The following EEFSEC variants were observed in gnomAD, a reference collection of about 807,000 sequenced individuals.
EEFSEC encodes eukaryotic elongation factor, selenocysteine-tRNA specific, also known as selenocysteine-specific elongation factor.
A neutral mutation model predicts 42.1 loss-of-function variants in EEFSEC; 43 were observed. The ratio of observed to expected loss-of-function variants is 1.02; its 90% CI spans 0.80 to 1.32. The LOEUF is 1.32. Among genes scored for constraint, EEFSEC ranks in the 40% most tolerant of loss-of-function variants. The pLI is 0.00. For synonymous variants in EEFSEC, 354 were observed against 339.1 expected (o/e 1.04, Z -0.48); for missense variants, 745 against 803.6 (o/e 0.93, Z 0.88).
intron 5 of EEFSEC, among the ~76,000 whole-genome samples, chr3:128,345,231 T>C (rs962938232): frequency 2.0e-5 from 3 of 152,184 alleles, no homozygotes; most frequent in Admixed American, 6.5e-5. Flanking sequence ...ACTGCATCGT[T>C]ATTGTTTTAT....
intron 4 of EEFSEC, among the ~76,000 whole-genome samples, chr3:128,329,014 C>T (rs1020478048): frequency 6.6e-6 from 1 of 152,158 alleles, no homozygotes; most frequent in Non-Finnish European, 1.5e-5. Flanking sequence ...CAGTGTGATC[C>T]TTGGCACCCC....
At chr3:128,207,604 C>CACAT (rs60361142) in intron 1 of EEFSEC, among the ~76,000 whole-genome samples, 59 of 150,132 alleles carry the variant, frequency 3.9e-4, no homozygotes, top group African/African-American at 1.4e-3. Flanking sequence ...CACACACACA[C>CACAT]GCTTAACAAG....
In EEFSEC at chr3:128,236,046, C is replaced by A. The variant is rs186495275; in HGVS notation, c.317-10790C>A. Among the ~76,000 whole-genome samples the A allele has an allele frequency of 5.9e-5, 9 of 152,320 alleles. No individual in the cohort carries two copies. In the East Asian group the frequency reaches 1.5e-3, roughly 26 times the overall value. On this transcript the variant is annotated intron_variant, in intron 1 of 6. Transcript: ENST00000254730. The stretch of plus-strand genomic sequence containing the variant: ...GTGGCGCAATCTCGCCTTACTGCAA[C>A]CTCCGCCTCCCGGGTTCAAGTGTTT...
At chr3:128,315,375 A>G (rs1415065179) in intron 4 of EEFSEC, among the ~76,000 whole-genome samples, 1 of 152,334 alleles carries the variant, frequency 6.6e-6, no homozygotes, top group Admixed American at 6.5e-5. Flanking sequence ...CTTTGAATTG[A>G]TGACCACAGT....
chr3:128,312,655 G>A (rs2066902277), intron 4 of EEFSEC, among the ~76,000 whole-genome samples: 1 of 152,242 alleles, frequency 6.6e-6, no homozygotes, highest in African/African-American at 2.4e-5. Flanking sequence ...GGCAGGCCCT[G>A]TGTCCTGACC....
At chr3:128,420,437 T>G in the EEFSEC span, among the ~76,000 whole-genome samples, 65 of 152,300 alleles carry the variant, frequency 4.3e-4, no homozygotes, top group African/African-American at 1.5e-3. Context: ...GCCCACAGCC[T>G]CCCAGGAGAG....
intron 4 of EEFSEC, among the ~76,000 whole-genome samples, chr3:128,275,767 G>A (rs2066461644): frequency 6.6e-6 from 1 of 152,194 alleles, no homozygotes. Context: ...TGGCATGACT[G>A]AGGTAAACAT....
chr3:128,154,008 G>A (rs1342719904), intron 1 of EEFSEC, 185 bp downstream of exon 1: 2 of 721,790 alleles, frequency 2.8e-6, no homozygotes, highest in Non-Finnish European at 4.0e-6. Flanking sequence ...CGGAGGCTTT[G>A]AGATTCAGCT....
At chr3:128,342,639 G>A (rs1168090222) in intron 5 of EEFSEC, among the ~76,000 whole-genome samples, 1 of 152,162 alleles carries the variant, frequency 6.6e-6, no homozygotes, top group Non-Finnish European at 1.5e-5. Context: ...TGCCTTGCTG[G>A]GCGGCCCTTG....
chr3:128,239,020 G>C (rs913333890), intron 1 of EEFSEC, among the ~76,000 whole-genome samples: 3 of 152,206 alleles, frequency 2.0e-5, no homozygotes, highest in Non-Finnish European at 4.4e-5. Context: ...CCTGCTCAGG[G>C]GTCTCCCTGC....
chr3:128,229,063 A>G (rs1276379593), intron 1 of EEFSEC, among the ~76,000 whole-genome samples: 3 of 152,192 alleles, frequency 2.0e-5, no homozygotes, highest in Non-Finnish European at 4.4e-5. Context: ...ATGAAAACCT[A>G]TGTTTGAAAT....
rs367913998 is a variant in EEFSEC, at chr3:128,375,451, C to G, written c.1600+17078C>G. ...TGCTCAGAAGTTGCCTTGACAGTGC[C>G]CTCTTAGTATGGCATTTGGCATGCT... On this transcript the variant is annotated intron_variant, in intron 6 of 6. Transcript: ENST00000254730. Among the ~76,000 whole-genome samples the G allele has an allele frequency of 6.7e-4, 102 of 152,304 alleles. 3 individuals carry two copies. The South Asian group carries it at 0.021, about 31-fold the overall frequency.
rs555958525 is a variant in EEFSEC, at chr3:128,398,413, GGCA to G, written c.1601-9653_1601-9651del. ...TGGTAAGGATGTGCAGGGCTGTAGG[GGCA>G]GCTTCTGAGGGACTCCTTAGAGGAA... On this transcript the variant is annotated intron_variant, in intron 6 of 6. Transcript: ENST00000254730. 9.0e-4 allele frequency among the ~76,000 whole-genome samples: 137 copies of G among 152,292 alleles called. 1 individual carries two copies. Among genetic ancestry groups the G allele is most frequent in the African/African-American group, 3.2e-3 (133 of 41,558 alleles).
intron 1 of EEFSEC, among the ~76,000 whole-genome samples, chr3:128,186,813 A>C (rs1274321013): frequency 1.3e-5 from 2 of 152,146 alleles, no homozygotes; most frequent in Non-Finnish European, 2.9e-5. Flanking sequence ...TTAAAGTTCT[A>C]AATTCTGAAA....
intron 1 of EEFSEC, among the ~76,000 whole-genome samples, chr3:128,166,983 T>G (rs1476692974): frequency 6.6e-6 from 1 of 152,174 alleles, no homozygotes; most frequent in African/African-American, 2.4e-5. Context: ...TGCTCTCTGC[T>G]GGCATAAAGG....
intron 1 of EEFSEC, among the ~76,000 whole-genome samples, chr3:128,177,412 G>T (rs918507910): frequency 8.4e-5 from 2 of 23,896 alleles, no homozygotes; most frequent in African/African-American, 3.6e-4. Context: ...ACCCCCACCC[G>T]CATCTCTGGA....
intron 1 of EEFSEC, among the ~76,000 whole-genome samples, chr3:128,215,792 G>A (rs73861030): frequency 3.7e-4 from 56 of 152,126 alleles, no homozygotes; most frequent in African/African-American, 1.2e-3. Flanking sequence ...TAGGCCACCC[G>A]GCTCCTGTGA....
At chr3:128,410,718 G>A (rs74505962), downstream of EEFSEC, among the ~76,000 whole-genome samples, 2,672 of 152,232 alleles carry the variant, frequency 0.018, 87 homozygotes, top group African/African-American at 0.06. Context: ...CATTACCTGC[G>A]GCCCTAGGGT....
At chr3:128,249,970 A>G (rs2107904820) in intron 2 of EEFSEC, among the ~76,000 whole-genome samples, 1 of 152,246 alleles carries the variant, frequency 6.6e-6, no homozygotes, top group Non-Finnish European at 1.5e-5. Context: ...GTATATCATC[A>G]TAGTTTTCAT....
Sources: allele counts gnomAD v4.1 joint callset (sites outside exome capture counted in the v4.1 genomes callset), GRCh38; gene constraint gnomAD v4.1.1; transcripts MANE v1.5; gene names NCBI Gene and HGNC (gene_info 2026-07-23, HGNC 2026-07-21).